The following CNTNAP5 variants were observed in gnomAD, a reference collection of about 807,000 sequenced individuals.
CNTNAP5 encodes the protein contactin-associated protein-like 5.
In CNTNAP5, 72 loss-of-function variants were observed where a neutral mutation model predicts 150.2. The ratio of observed to expected loss-of-function variants is 0.48; its 90% CI spans 0.40 to 0.58. CNTNAP5 has a LOEUF of 0.58. Among genes scored for constraint, CNTNAP5 ranks in the 20% least tolerant of loss-of-function variants. The pLI, the probability that CNTNAP5 is intolerant of heterozygous loss-of-function variation, is 0.00. For missense variants in CNTNAP5, 1,636 were observed against 1,626.2 expected (o/e 1.01, Z -0.10); for synonymous variants, 672 against 619.8 (o/e 1.08, Z -1.25).
chr2:124,198,413 T>C (rs1214879480), intron 1 of CNTNAP5, among the ~76,000 whole-genome samples: 3 of 152,198 alleles, frequency 2.0e-5, no homozygotes, highest in African/African-American at 7.2e-5. Context: ...TAGTTTTTTT[T>C]TCTTTTCCGA....
chr2:124,855,167 C>T lies in CNTNAP5; in HGVS notation c.3218-10139C>T, dbSNP rs866838578. Reference sequence around the variant, plus strand: ...AGAATTAGAAAGCCTTGGGCTTTTGCTTTTTTTTTTTTTTTTTTTTTTTTT... The same window carrying T: ...AGAATTAGAAAGCCTTGGGCTTTTGTTTTTTTTTTTTTTTTTTTTTTTTTT... On this transcript the variant is annotated intron_variant, in intron 19 of 23. Coordinates refer to ENST00000682447, the MANE Select transcript of CNTNAP5 (RefSeq NM_001367498.1). Among the ~76,000 whole-genome samples, 469 of 71,372 alleles carry T rather than the reference C, an allele frequency of 6.6e-3. 4 individuals carry two copies. The highest frequency in any genetic ancestry group is 0.017 in the African/African-American group (393 of 23,438). The allele number at this position is 71,372 out of a possible 152,430, so 46.8% of individuals were successfully genotyped here. A position where few individuals can be genotyped will look rare whatever the true frequency, so the allele number is the denominator to read the frequency against.
chr2:124,160,356 C>A (rs554908866), intron 1 of CNTNAP5, among the ~76,000 whole-genome samples: 1 of 152,022 alleles, frequency 6.6e-6, no homozygotes, highest in African/African-American at 2.4e-5. Flanking sequence ...GACTAATATT[C>A]CCATCATGGA....
At chr2:124,725,225 T>C (rs1175753411) in intron 13 of CNTNAP5, among the ~76,000 whole-genome samples, 1 of 152,144 alleles carries the variant, frequency 6.6e-6, no homozygotes, top group Admixed American at 6.6e-5. Context: ...TTTCCATAAT[T>C]TTATTTTTTG....
chr2:124,842,618 G>A (rs932213854), intron 19 of CNTNAP5, among the ~76,000 whole-genome samples: 1 of 152,086 alleles, frequency 6.6e-6, no homozygotes, highest in Non-Finnish European at 1.5e-5. Context: ...AGAATATTTT[G>A]TGCAAACGTA....
At chr2:124,325,006 T>C (rs1217150589) in intron 3 of CNTNAP5, among the ~76,000 whole-genome samples, 1 of 152,182 alleles carries the variant, frequency 6.6e-6, no homozygotes, top group Non-Finnish European at 1.5e-5. Flanking sequence ...GAGTTATTCA[T>C]TCAGGAACAG....
rs776830667 is a variant in CNTNAP5, at chr2:124,916,046, C to T, written c.*1758C>T. Among the ~76,000 whole-genome samples the T allele has an allele frequency of 1.2e-4, 19 of 152,076 alleles. No individual in the cohort carries two copies. The highest frequency in any genetic ancestry group is 1.6e-4 in the Non-Finnish European group (11 of 67,980). ...GTCTCTCGCCTCTCACAATGAGGAA[C>T]TTAGTTGCTTCATTCCATTTCAAAC... On this transcript the variant is annotated 3_prime_UTR_variant, in exon 24 of 24. Transcript: ENST00000682447.
intron 22 of CNTNAP5, among the ~76,000 whole-genome samples, chr2:124,910,246 T>C (rs907168132): frequency 1.3e-5 from 2 of 152,070 alleles, no homozygotes; most frequent in African/African-American, 4.8e-5. Context: ...TCTTGGTTTT[T>C]TCATTAGCAA....
chr2:124,421,116 A>G (rs1418128053), intron 4 of CNTNAP5, among the ~76,000 whole-genome samples: 1 of 151,656 alleles, frequency 6.6e-6, no homozygotes, highest in Non-Finnish European at 1.5e-5. Flanking sequence ...TTCTTCTACT[A>G]CTTTTCCATC....
chr2:124,743,900 A>G (rs1436485906), intron 13 of CNTNAP5, among the ~76,000 whole-genome samples: 1 of 152,064 alleles, frequency 6.6e-6, no homozygotes, highest in African/African-American at 2.4e-5. Context: ...TATGTTGTTC[A>G]TTTACTTTGT....
At chr2:124,451,140 A>G (rs114766091) in intron 6 of CNTNAP5, among the ~76,000 whole-genome samples, 10,213 of 146,962 alleles carry the variant, frequency 0.069, 473 homozygotes, top group African/African-American at 0.11. Flanking sequence ...ATGTATATGT[A>G]TATGCACATA....
At chr2:124,689,130 C>T (rs1221504191) in intron 13 of CNTNAP5, among the ~76,000 whole-genome samples, 4 of 152,064 alleles carry the variant, frequency 2.6e-5, no homozygotes, top group African/African-American at 9.7e-5. Flanking sequence ...TGCATGCCAC[C>T]ACGCCCAGCT....
chr2:124,553,711 C>G (rs1026372918), intron 10 of CNTNAP5, among the ~76,000 whole-genome samples: 2 of 152,092 alleles, frequency 1.3e-5, no homozygotes, highest in Non-Finnish European at 2.9e-5. Context: ...GGGTGAACAA[C>G]TTGGCCAATA....
intron 11 of CNTNAP5, among the ~76,000 whole-genome samples, chr2:124,564,933 A>G (rs2104932461): frequency 6.6e-6 from 1 of 152,302 alleles, no homozygotes; most frequent in Non-Finnish European, 1.5e-5. Flanking sequence ...GACTCCAGTG[A>G]GAACTATCGC....
chr2:124,770,240 G>A (rs766964748), intron 16 of CNTNAP5, among the ~76,000 whole-genome samples: 2 of 152,132 alleles, frequency 1.3e-5, no homozygotes, highest in African/African-American at 4.8e-5. Flanking sequence ...TAGGTGCTGG[G>A]TATACGATAA....
chr2:124,600,683 A>G (rs1273127184), intron 11 of CNTNAP5, among the ~76,000 whole-genome samples: 1 of 151,420 alleles, frequency 6.6e-6, no homozygotes, highest in Non-Finnish European at 1.5e-5. Flanking sequence ...AAAGGAGACA[A>G]ATACAGGGGC....
intron 17 of CNTNAP5, among the ~76,000 whole-genome samples, chr2:124,783,235 C>T (rs957482908): frequency 6.6e-6 from 1 of 152,118 alleles, no homozygotes; most frequent in Non-Finnish European, 1.5e-5. Flanking sequence ...TGCACTTTTG[C>T]ATTTGTTCTT....
intron 1 of CNTNAP5, among the ~76,000 whole-genome samples, chr2:124,196,535 A>G (rs535468916): frequency 6.6e-6 from 1 of 152,296 alleles, no homozygotes; most frequent in South Asian, 2.1e-4. Flanking sequence ...TAGTACACTC[A>G]TTATCCCATA....
At chr2:124,705,507 G>A (rs1227900223) in intron 13 of CNTNAP5, among the ~76,000 whole-genome samples, 2 of 151,120 alleles carry the variant, frequency 1.3e-5, no homozygotes, top group Non-Finnish European at 3.0e-5. Context: ...CAGCCTGAGT[G>A]ACAGAGAGAG....
intron 11 of CNTNAP5, among the ~76,000 whole-genome samples, chr2:124,578,607 C>A (rs893894464): frequency 6.6e-6 from 1 of 151,822 alleles, no homozygotes; most frequent in African/African-American, 2.4e-5. Context: ...TTTATCTCTA[C>A]CGAAAACTAA....
Sources: allele counts gnomAD v4.1 joint callset (sites outside exome capture counted in the v4.1 genomes callset), GRCh38; gene constraint gnomAD v4.1.1; transcripts MANE v1.5; gene names NCBI Gene and HGNC (gene_info 2026-07-23, HGNC 2026-07-21).